Variants in RANBP2 observed in about 807,000 individuals in gnomAD.
RANBP2 encodes RAN binding protein 2.
A neutral mutation model predicts 303.6 loss-of-function variants in RANBP2; 57 were observed. The observed-to-expected ratio is 0.19, with a 90% CI of 0.15 to 0.23. The LOEUF (loss-of-function observed/expected upper bound fraction) is 0.23. Among genes scored for constraint, RANBP2 ranks in the 10% least tolerant of loss-of-function variants. The pLI is 1.00. For missense variants in RANBP2, 3,138 were observed against 3,780.8 expected, an observed-to-expected ratio of 0.83 and a Z score of 4.46; for synonymous variants, 1,167 against 1,301.5, an observed-to-expected ratio of 0.90 and a Z score of 2.23.
At chr2:109,285,124 G>A in the RANBP2 span, among the ~76,000 whole-genome samples, 1 of 152,242 alleles carries the variant, frequency 6.6e-6, no homozygotes, top group East Asian at 1.9e-4. Context: ...AGAGCCCAGG[G>A]TCTGGAGTAG....
At chr2:109,716,694 G>A in the RANBP2 span, among the ~76,000 whole-genome samples, 2 of 152,124 alleles carry the variant, frequency 1.3e-5, no homozygotes, top group African/African-American at 2.4e-5. Flanking sequence ...CTACAGGCAC[G>A]CACCACCATG....
the RANBP2 span, among the ~76,000 whole-genome samples, chr2:109,657,714 GTTTTTT>G: frequency 1.3e-4 from 11 of 82,230 alleles, no homozygotes; most frequent in African/African-American, 5.2e-4. Context: ...AATTAGCTGA[GTTTTTT>G]TTTTTTTTTT....
At chr2:109,186,692 C>G in the RANBP2 span, among the ~76,000 whole-genome samples, 1 of 152,182 alleles carries the variant, frequency 6.6e-6, no homozygotes. Context: ...TAGCTTTTCT[C>G]AAAGGAGCCA....
the RANBP2 span, among the ~76,000 whole-genome samples, chr2:108,943,374 C>T: frequency 6.6e-6 from 1 of 152,174 alleles, no homozygotes; most frequent in African/African-American, 2.4e-5. Context: ...TCATTTCTGG[C>T]TCACCTCATT....
chr2:108,766,582 C>G lies in RANBP2; in HGVS notation c.6043C>G (p.Pro2015Ala), dbSNP rs1163254358. ...GGACAGCGATGACATCCATTTTGAA[C>G]CAGTAGTTCAAATGCCCGAAAAAGT... ...TEDSDDIHFEPVVQMPEKVEL... is the reference protein window; with the variant it reads ...TEDSDDIHFEAVVQMPEKVEL... Residue 2015 changes from proline (P) to alanine (A), a missense_variant, in exon 20 of 29, where the codon CCA becomes GCA. This residue lies in a region of RANBP2 where 348 missense variants were observed against 360.4 expected (regional missense o/e 0.97). Transcript: ENST00000283195. 6.8e-6 allele frequency: 11 copies of G among 1,611,720 alleles called. No homozygotes were observed. Among genetic ancestry groups the G allele is most frequent in the Non-Finnish European group, 9.3e-6 (11 of 1,179,840 alleles).
chr2:109,205,233 A>G, the RANBP2 span, among the ~76,000 whole-genome samples: 2 of 151,566 alleles, frequency 1.3e-5, no homozygotes, highest in African/African-American at 4.9e-5. Flanking sequence ...ATAAAATAAG[A>G]TAAAAAAAAT....
At chr2:108,883,709 A>T in the RANBP2 span, 46 of 152,388 alleles carry the variant, frequency 3.0e-4, no homozygotes, top group African/African-American at 1.0e-3. Context: ...GGGGGTTGCC[A>T]TCAGGAGACA....
chr2:108,932,144 C>T, the RANBP2 span, among the ~76,000 whole-genome samples: 3 of 152,316 alleles, frequency 2.0e-5, no homozygotes, highest in South Asian at 2.1e-4. Context: ...AACCTTCCCT[C>T]CCTTCCTCCT....
At chr2:109,630,335 A>C in the RANBP2 span, among the ~76,000 whole-genome samples, 3 of 152,280 alleles carry the variant, frequency 2.0e-5, no homozygotes, top group Admixed American at 1.3e-4. Flanking sequence ...GCACTCCTCT[A>C]TCTGGCCTGC....
the RANBP2 span, among the ~76,000 whole-genome samples, chr2:109,628,573 G>T: frequency 6.6e-6 from 1 of 152,036 alleles, no homozygotes; most frequent in Non-Finnish European, 1.5e-5. Context: ...GCCACATTCA[G>T]TTTATACTAA....
chr2:109,064,090 G>C, the RANBP2 span, among the ~76,000 whole-genome samples: 1 of 152,178 alleles, frequency 6.6e-6, no homozygotes, highest in African/African-American at 2.4e-5. Context: ...TTTATTGTCT[G>C]TATCTTTTTT....
At chr2:109,128,742 C>T in the RANBP2 span, 1 of 179,782 alleles carries the variant, frequency 5.6e-6, no homozygotes, top group African/African-American at 2.4e-5. Context: ...CCCAAACTTT[C>T]CTTCGCAGCA....
At chr2:109,410,120 C>G in the RANBP2 span, among the ~76,000 whole-genome samples, 2 of 152,162 alleles carry the variant, frequency 1.3e-5, no homozygotes, top group African/African-American at 4.8e-5. Flanking sequence ...TAAAATGCAG[C>G]GGAGGAGGCT....
chr2:109,110,425 G>A, the RANBP2 span, among the ~76,000 whole-genome samples: 218 of 152,214 alleles, frequency 1.4e-3, no homozygotes, highest in African/African-American at 3.1e-3. Context: ...TTAATCTTGC[G>A]ATCACTTAGG....
At chr2:109,585,029 T>C in the RANBP2 span, 1 of 586,466 alleles carries the variant, frequency 1.7e-6, no homozygotes, top group Non-Finnish European at 2.8e-6. Context: ...AAGGTATGGA[T>C]TACCATAGGA....
At chr2:109,235,608 A>G in the RANBP2 span, among the ~76,000 whole-genome samples, 2 of 152,208 alleles carry the variant, frequency 1.3e-5, no homozygotes, top group African/African-American at 2.4e-5. Flanking sequence ...TGGGCCTCGA[A>G]GGCTGTTGTT....
chr2:109,733,012 T>G, the RANBP2 span: 5 of 579,884 alleles, frequency 8.6e-6, no homozygotes, highest in Non-Finnish European at 3.4e-6. Context: ...ATGATTATTG[T>G]AGGAGGGGTC....
At chr2:109,124,177 AT>A in the RANBP2 span, among the ~76,000 whole-genome samples, 196 of 140,752 alleles carry the variant, frequency 1.4e-3, no homozygotes, top group Non-Finnish European at 1.4e-3. Context: ...CATGTATTTA[AT>A]TTTTTTTTTT....
At chr2:109,613,908 C>G in the RANBP2 span, 5 of 1,193,786 alleles carry the variant, frequency 4.2e-6, no homozygotes, top group Admixed American at 8.9e-5. Context: ...GCGGGAAGGC[C>G]GGAGGGCAGA....
Sources: gnomAD v4.1 joint callset for allele counts (sites outside exome capture counted in the v4.1 genomes callset) on GRCh38, gnomAD v4.1.1 for gene constraint, gnomAD v4.1.1 regional missense constraint, MANE v1.5 for transcripts, NCBI Gene and HGNC (gene_info 2026-07-23, HGNC 2026-07-21) for gene names.